MAP1S: variants seen among roughly 807,000 people sequenced by gnomAD.
The protein encoded by MAP1S is microtubule-associated protein 1S.
A neutral mutation model predicts 60.9 loss-of-function variants in MAP1S; 27 were observed. The ratio of observed to expected loss-of-function variants is 0.44; its 90% confidence interval spans 0.33 to 0.61. MAP1S has a LOEUF of 0.61. MAP1S is among the 20% of genes least tolerant of loss of function. The probability of loss-of-function intolerance (pLI) is 0.03; values close to 1 mark genes in which losing one functional copy is unlikely to be tolerated. For missense variants in MAP1S, 1,608 were observed against 1,486.6 expected (o/e 1.08, Z -1.34); for synonymous variants, 826 against 694.2 (o/e 1.19, Z -2.98).
At chr19:17,730,104 G>A (rs1015227379) in intron 5 of MAP1S, among the ~76,000 whole-genome samples, 13 of 152,160 alleles carry the variant, frequency 8.5e-5, no homozygotes, top group South Asian at 2.1e-4. Context: ...CACCACGCCC[G>A]ACTCAACGTT....
intron 2 of MAP1S, among the ~76,000 whole-genome samples, chr19:17,721,767 G>A (rs549571895): frequency 2.0e-5 from 3 of 152,274 alleles, no homozygotes; most frequent in South Asian, 4.1e-4. Context: ...TTGCAGGAAG[G>A]GACTGATACT....
chr19:17,728,553 C>G (rs747452437), intron 5 of MAP1S, among the ~76,000 whole-genome samples: 1 of 151,144 alleles, frequency 6.6e-6, no homozygotes, highest in African/African-American at 2.4e-5. Flanking sequence ...CCTGCCAGTT[C>G]TGTTCTTTTT....
Position 17,725,324 on chromosome 19 carries a change from C to A in MAP1S, c.444+135C>A. The stretch of plus-strand genomic sequence containing the variant: ...ATCCTCTGTAGGATGGCAGTGGTGA[C>A]ACATGCCTCCTGGCTGTCTGGGGTC... On this transcript the variant is annotated intron_variant, in intron 4 of 6. Coordinates refer to ENST00000324096, the MANE Select transcript of MAP1S (RefSeq NM_018174.6). This position sits in a 1 kb window ranked among gnomAD's most constrained non-coding sequence, Gnocchi z 4.2. 9.4e-7 allele frequency: 1 copy of A among 1,069,078 alleles called. No homozygotes were observed. Among genetic ancestry groups the A allele is most frequent in the South Asian group, 1.6e-5 (1 of 62,144 alleles). 66.2% of individuals were successfully genotyped at this position (1,069,078 alleles called of 1,614,324 possible).
In MAP1S at chr19:17,725,977, C is replaced by CG; in HGVS notation, c.595dup (p.Ala199GlyfsTer7). 2 of 1,612,196 alleles carry CG rather than the reference C, an allele frequency of 1.2e-6. No individual in the cohort carries two copies. The highest frequency in any genetic ancestry group is 1.7e-6 in the Non-Finnish European group (2 of 1,179,324). On this transcript the variant is annotated frameshift_variant, in exon 5 of 7. Transcript: ENST00000324096. LOFTEE classifies it high-confidence loss of function. The surrounding 1 kb of genome is among the most constrained non-coding windows in gnomAD (Gnocchi z 4.2). ...CGGCTCCAGCTGCGGCTGAACCCCC[C>CG]GGCGCAGCTGCCCAACTCTGAGGGC...
chr19:17,728,196 G>A lies in MAP1S; in HGVS notation c.2788+24G>A, dbSNP rs8110201. On this transcript the variant is annotated intron_variant, in intron 5 of 6. Transcript: ENST00000324096. ...GGGTGAGTACTGGAGCTGGGGCCCT[G>A]GGCTGGGTTAGCAGCTGCTTAGGCT... is the stretch of plus-strand genomic sequence containing the variant. 2.0e-5 allele frequency: 31 copies of A among 1,542,074 alleles called. No homozygotes were observed. The South Asian group carries it at 3.8e-4, about 19-fold the overall frequency.
In MAP1S at chr19:17,727,786, C is replaced by T. The variant is rs1182128928; in HGVS notation, c.2402C>T (p.Pro801Leu). 2 of 1,611,888 alleles carry T rather than the reference C, an allele frequency of 1.2e-6. No homozygotes were observed. The highest frequency in any genetic ancestry group is 1.7e-6 in the Non-Finnish European group (2 of 1,179,194). ...LPTLSDSDPV[P>L]LAPGAADSDE... ...ACCCTGTCTGACTCGGATCCCGTGC[C>T]CCTGGCCCCCGGTGCGGCAGACTCA... The change falls in exon 5 of 7, where the codon CCC becomes CTC. Residue 801 changes from proline (P) to leucine (L), a missense_variant. This residue lies in a region of MAP1S where 1,167 missense variants were observed against 961.4 expected (regional missense o/e 1.21). Transcript: ENST00000324096. This position sits in a 1 kb window ranked among gnomAD's most constrained non-coding sequence, Gnocchi z 4.1.
chr19:17,725,719 C>T lies in MAP1S; in HGVS notation c.445-110C>T. On this transcript the variant is annotated intron_variant, in intron 4 of 6. Coordinates refer to ENST00000324096, the MANE Select transcript of MAP1S (RefSeq NM_018174.6). This position sits in a 1 kb window ranked among gnomAD's most constrained non-coding sequence, Gnocchi z 4.2. ...AGGGTTGGGTTTTGGCGGGAGGGCC[C>T]TGAGGAGCAGGCCCTGGGGGAAAGG... The T allele has an allele frequency of 8.7e-7, 1 of 1,146,702 alleles. No individual in the cohort carries two copies. Among genetic ancestry groups the T allele is most frequent in the Non-Finnish European group, 1.2e-6 (1 of 821,998 alleles). The allele number at this position is 1,146,702 out of a possible 1,614,324, so 71.0% of individuals were successfully genotyped here. A position where few individuals can be genotyped will look rare whatever the true frequency, so the allele number is the denominator to read the frequency against.
At chr19:17,724,049 C>A in intron 2 of MAP1S, 77 bp from the exon 3 acceptor site, 1 of 1,145,250 alleles carries the variant, frequency 8.7e-7, no homozygotes, top group Non-Finnish European at 1.3e-6. Context: ...TGGGTGGGTT[C>A]CCAGAGGGGT....
chr19:17,726,057 G>A lies in MAP1S; in HGVS notation c.673G>A (p.Glu225Lys), dbSNP rs1326387352. ...AESLEPPSPFELLEPPTSGGF... is the reference protein window; with the variant it reads ...AESLEPPSPFKLLEPPTSGGF... ...GTCTCTGGAGCCACCGTCCCCCTTC[G>A]AGCTGCTGGAGCCCCCGACCTCCGG... Residue 225 changes from glutamate (E) to lysine (K), a missense_variant, in exon 5 of 7, where the codon GAG becomes AAG. Transcript: ENST00000324096. The A allele has an allele frequency of 1.2e-6, 2 of 1,613,502 alleles. No homozygotes were observed. Among genetic ancestry groups the A allele is most frequent in the Non-Finnish European group, 1.7e-6 (2 of 1,179,860 alleles).
At chr19:17,720,055 G>C in intron 1 of MAP1S, 1 of 1,026,268 alleles carries the variant, frequency 9.7e-7, no homozygotes, top group Non-Finnish European at 1.2e-6. Flanking sequence ...GGGAGGCTGG[G>C]CCTGGAGCCC....
chr19:17,727,342 G>T lies in MAP1S; in HGVS notation c.1958G>T (p.Arg653Leu). Residue 653 changes from arginine (R) to leucine (L), a missense_variant, in exon 5 of 7, where the codon CGG becomes CTG. Around this residue, in one of 4 missense-constraint regions of MAP1S, gnomAD observed 1,167 missense variants for 961.4 expected, o/e 1.21. Coordinates refer to ENST00000324096, the MANE Select transcript of MAP1S (RefSeq NM_018174.6). The surrounding 1 kb of genome is among the most constrained non-coding windows in gnomAD (Gnocchi z 4.1). ...CGGAGCCCCGCAGAGGGCAGCGAGC[G>T]GCTGTCGCTGAGCCCACTGCGGGGC... ...SHRSPAEGSE[R>L]LSLSPLRGGE... 1 of 1,588,060 alleles carries T rather than the reference G, an allele frequency of 6.3e-7. No individual in the cohort carries two copies. Among genetic ancestry groups the T allele is most frequent in the Non-Finnish European group, 8.5e-7 (1 of 1,171,122 alleles).
chr19:17,733,142 C>T, intron 5 of MAP1S, 51 bp from the exon 6 acceptor site: 1 of 1,293,782 alleles, frequency 7.7e-7, no homozygotes, highest in Non-Finnish European at 1.1e-6. Flanking sequence ...AGCCTCGGCC[C>T]CTCCCCAGCC....
chr19:17,727,237 C>T lies in MAP1S; in HGVS notation c.1853C>T (p.Ala618Val), dbSNP rs562914933. 1.9e-6 allele frequency: 3 copies of T among 1,567,000 alleles called. No homozygotes were observed. Among genetic ancestry groups the T allele is most frequent in the East Asian group, 2.4e-5 (1 of 42,502 alleles). The change falls in exon 5 of 7, where the codon GCC (alanine) becomes GTC (valine). Residue 618 changes from alanine (A) to valine (V), a missense_variant. Transcript: ENST00000324096. The surrounding 1 kb of genome is among the most constrained non-coding windows in gnomAD (Gnocchi z 4.1). ...AGCCTGGAGCTGGGGCCGATCCCAG[C>T]CGGGGAGGAGAAGGCACTGGAGCTG... Reference protein sequence around the residue: ...TPSLELGPIPAGEEKALELPL... With the variant: ...TPSLELGPIPVGEEKALELPL...
chr19:17,725,334 C>A lies in MAP1S; in HGVS notation c.444+145C>A. 1.0e-6 allele frequency: 1 copy of A among 993,480 alleles called. No homozygotes were observed. The highest frequency in any genetic ancestry group is 1.5e-6 in the Non-Finnish European group (1 of 689,352). 61.5% of individuals were successfully genotyped at this position (993,480 alleles called of 1,614,324 possible). On this transcript the variant is annotated intron_variant, in intron 4 of 6. Transcript: ENST00000324096. The surrounding 1 kb of genome is among the most constrained non-coding windows in gnomAD (Gnocchi z 4.2). ...GGATGGCAGTGGTGACACATGCCTC[C>A]TGGCTGTCTGGGGTCAGTCCCATTG...
At position 17,726,965 on chromosome 19, in the gene MAP1S, A is replaced by G; in HGVS notation, c.1581A>G (p.Lys527=). The part of the protein sequence containing the change: ...KEAKTPRELK[K]DPKPSVSRTQ... The stretch of plus-strand genomic sequence containing the variant: ...CCAAGACCCCCCGGGAGTTGAAGAA[A>G]GACCCCAAACCGAGTGTCTCCCGGA... Residue 527 remains lysine, a synonymous_variant, in exon 5 of 7, where the codon AAA becomes AAG. Transcript: ENST00000324096. The G allele has an allele frequency of 6.3e-7, 1 of 1,574,838 alleles. No individual in the cohort carries two copies. Among genetic ancestry groups the G allele is most frequent in the Non-Finnish European group, 8.6e-7 (1 of 1,160,934 alleles).
In MAP1S at chr19:17,727,781, C is replaced by G. The variant is rs763819840; in HGVS notation, c.2397C>G (p.Pro799=). ...ESLPTLSDSD[P]VPLAPGAADS... is the part of the protein sequence containing the mutation. ...TGCCCACCCTGTCTGACTCGGATCC[C>G]GTGCCCCTGGCCCCCGGTGCGGCAG... Residue 799 remains proline (P), a synonymous_variant, in exon 5 of 7, where the codon CCC becomes CCG. Coordinates refer to ENST00000324096, the MANE Select transcript of MAP1S (RefSeq NM_018174.6). The surrounding 1 kb of genome is among the most constrained non-coding windows in gnomAD (Gnocchi z 4.1). 2 of 1,611,438 alleles carry G rather than the reference C, an allele frequency of 1.2e-6. No homozygotes were observed. The highest frequency in any genetic ancestry group is 1.7e-6 in the Non-Finnish European group (2 of 1,178,976).
chr19:17,725,184 A>G lies in MAP1S; in HGVS notation c.439A>G (p.Arg147Gly). The change falls in exon 4 of 7, where the codon AGA becomes GGA. Residue 147 changes from arginine (R) to glycine (G), a missense_variant. Arg to Gly is a moderately radical substitution (Grantham distance 125). Transcript: ENST00000324096. This position sits in a 1 kb window ranked among gnomAD's most constrained non-coding sequence, Gnocchi z 4.2. ...PHHFLQVLKD[R>G]EIRDILATTP... ...CCACTTCCTCCAGGTCCTGAAGGAC[A>G]GAGAGGTAAGCCACCCCTTTGCCAT... 6.2e-7 allele frequency: 1 copy of G among 1,611,554 alleles called. No homozygotes were observed. The highest frequency in any genetic ancestry group is 8.5e-7 in the Non-Finnish European group (1 of 1,178,594).
Position 17,720,982 on chromosome 19 carries a change from A to G in MAP1S, c.165A>G (p.Glu55=), listed in dbSNP as rs748429526. The G allele has an allele frequency of 2.5e-6, 4 of 1,613,842 alleles. No homozygotes were observed. In the African/African-American group the frequency reaches 5.3e-5, roughly 22 times the overall value. The change falls in exon 2 of 7, where the codon GAA becomes GAG. Residue 55 remains glutamate, a synonymous_variant. Coordinates refer to ENST00000324096, the MANE Select transcript of MAP1S (RefSeq NM_018174.6). ...DVDPGVCNLD[E]QLKVFVSRHS... is the part of the protein sequence containing the mutation. The stretch of plus-strand genomic sequence containing the variant: ...ATCCTGGCGTCTGCAACCTTGATGA[A>G]CAGCTCAAGGTCTTTGTGTCCCGAC...
chr19:17,726,919 C>T lies in MAP1S; in HGVS notation c.1535C>T (p.Pro512Leu), dbSNP rs777674474. The change falls in exon 5 of 7, where the codon CCA becomes CTA. Residue 512 changes from proline (P) to leucine (L), a missense_variant. Pro to Leu is a moderately conservative substitution (Grantham distance 98, BLOSUM62 -3). Around this residue, in one of 4 missense-constraint regions of MAP1S, gnomAD observed 1,167 missense variants for 961.4 expected, o/e 1.21. Transcript: ENST00000324096. Reference protein sequence around the residue: ...ARKEPARAEAPRKTEKEAKTP... With the variant: ...ARKEPARAEALRKTEKEAKTP... ...AAGGAGCCAGCACGGGCTGAGGCCC[C>T]ACGCAAGACTGAGAAAGAAGCCAAG... is the stretch of plus-strand genomic sequence containing the variant. 9.6e-6 allele frequency: 15 copies of T among 1,565,300 alleles called. No homozygotes were observed. Among genetic ancestry groups the T allele is most frequent in the Middle Eastern group, 1.7e-4 (1 of 6,034 alleles).
Sources: gnomAD v4.1 joint callset for allele counts (sites outside exome capture counted in the v4.1 genomes callset) on GRCh38, gnomAD v4.1.1 for gene constraint, gnomAD v4.1.1 regional missense constraint, Gnocchi (gnomAD v3.1) non-coding constraint, MANE v1.5 for transcripts, NCBI Gene and HGNC (gene_info 2026-07-23, HGNC 2026-07-21) for gene names.